TSR1: variants seen among roughly 807,000 people sequenced by gnomAD.
The protein encoded by TSR1 is pre-rRNA-processing protein TSR1 homolog.
Under a neutral mutation model 90.9 loss-of-function variants are expected in TSR1, and 81 were observed. The ratio of observed to expected loss-of-function variants is 0.89; its 90% confidence interval spans 0.74 to 1.07. The LOEUF is 1.07. TSR1 is among the 50% of genes least tolerant of loss of function. The probability of loss-of-function intolerance (pLI) is 0.00; values close to 1 mark genes in which losing one functional copy is unlikely to be tolerated. For synonymous variants in TSR1, 362 were observed against 348.8 expected (o/e 1.04, Z -0.42); for missense variants, 989 against 987.3 (o/e 1.00, Z -0.02).
chr17:2,329,080 C>T (rs1333243741), intron 11 of TSR1: 1 of 688,480 alleles, frequency 1.5e-6, no homozygotes, highest in Non-Finnish European at 2.7e-6. Flanking sequence ...TATAAAGCTG[C>T]CAACTTCTAT....
chr17:2,325,813 A>G (rs2075573298), intron 11 of TSR1, among the ~76,000 whole-genome samples: 1 of 152,000 alleles, frequency 6.6e-6, no homozygotes, highest in Non-Finnish European at 1.5e-5. Flanking sequence ...GGGTTTCACC[A>G]TGTTGGCCAG....
intron 11 of TSR1, chr17:2,329,041 C>A: frequency 1.8e-6 from 1 of 560,282 alleles, no homozygotes; most frequent in South Asian, 1.6e-5. Context: ...TGAACCACTG[C>A]ACCACTGCAC....
At chr17:2,326,521 ACAT>A (rs1432066421) in intron 11 of TSR1, among the ~76,000 whole-genome samples, 1 of 152,114 alleles carries the variant, frequency 6.6e-6, no homozygotes, top group Non-Finnish European at 1.5e-5. Context: ...GGCACACTAG[ACAT>A]CAAAGTTTCC....
intron 6 of TSR1, 67 bp from the exon 7 acceptor site, chr17:2,333,191 C>A: frequency 6.4e-7 from 1 of 1,565,738 alleles, no homozygotes; most frequent in Non-Finnish European, 8.7e-7. Flanking sequence ...GTTATTCTCA[C>A]CTAGGCAAGG....
At chr17:2,324,630 TA>T in intron 13 of TSR1, 52 bp from the exon 14 acceptor site, 1 of 1,613,990 alleles carries the variant, frequency 6.2e-7, no homozygotes, top group Non-Finnish European at 8.5e-7. Context: ...CCACAAAATG[TA>T]AACCCAACCT....
Position 2,334,776 on chromosome 17 carries a change from T to G in TSR1, c.677A>C (p.Gln226Pro). ...PHDKLLLLDTQQEAGMLLRQL... is the reference protein window; with the variant it reads ...PHDKLLLLDTPQEAGMLLRQL... ...CCTAAGCAGCATCCCTGCCTCCTGTTGAGTGTCTAACAAGAGGAGTTTGTC... is the reference window on the plus strand; with the variant it reads ...CCTAAGCAGCATCCCTGCCTCCTGTGGAGTGTCTAACAAGAGGAGTTTGTC... The change falls in exon 5 of 15, where the codon CAA (glutamine) becomes CCA (proline). Residue 226 changes from glutamine (Q) to proline (P), a missense_variant. By Grantham distance (76) the Gln-to-Pro change is moderately conservative. Transcript: ENST00000301364. 2 of 1,614,252 alleles carry G rather than the reference T, an allele frequency of 1.2e-6. No homozygotes were observed. The highest frequency in any genetic ancestry group is 1.7e-6 in the Non-Finnish European group (2 of 1,180,054).
chr17:2,329,691 C>T (rs1224711081), intron 10 of TSR1, among the ~76,000 whole-genome samples: 1 of 152,106 alleles, frequency 6.6e-6, no homozygotes, highest in African/African-American at 2.4e-5. Flanking sequence ...AGCTTTCATG[C>T]ACCCTTCAAT....
chr17:2,333,413 A>G, intron 6 of TSR1, 144 bp downstream of exon 6: 1 of 1,028,572 alleles, frequency 9.7e-7, no homozygotes, highest in Non-Finnish European at 1.5e-6. Flanking sequence ...TTGTTTATTG[A>G]AAACATACAG....
At chr17:2,327,554 A>T (rs576978690) in intron 11 of TSR1, among the ~76,000 whole-genome samples, 4 of 152,320 alleles carry the variant, frequency 2.6e-5, no homozygotes, top group Admixed American at 2.6e-4. Flanking sequence ...ATAAGCAAAG[A>T]AGTAAATAAA....
Position 2,323,040 on chromosome 17 carries a change from C to T in TSR1, c.*1156G>A. 7.7e-7 allele frequency: 1 copy of T among 1,298,686 alleles called. No homozygotes were observed. The highest frequency in any genetic ancestry group is 1.1e-6 in the Non-Finnish European group (1 of 912,556). The allele number at this position is 1,298,686 out of a possible 1,614,324, so 80.4% of individuals were successfully genotyped here. A position where few individuals can be genotyped will look rare whatever the true frequency, so the allele number is the denominator to read the frequency against. On this transcript the variant is annotated 3_prime_UTR_variant, in exon 15 of 15. Transcript: ENST00000301364. ...TCGGGCTCCCAAAGTGTTGGGATTA[C>T]AGGTGTGAGCCACCACACCAGGCCC... is the stretch of plus-strand genomic sequence containing the variant.
chr17:2,330,020 A>C (rs1193718501), intron 10 of TSR1, among the ~76,000 whole-genome samples: 1 of 152,098 alleles, frequency 6.6e-6, no homozygotes, highest in Non-Finnish European at 1.5e-5. Context: ...ACTGGGTTCA[A>C]GCAATTCTTC....
At chr17:2,335,879 C>A in intron 2 of TSR1, 149 bp from the exon 3 acceptor site, 2 of 1,260,304 alleles carry the variant, frequency 1.6e-6, no homozygotes, top group South Asian at 2.8e-5. Flanking sequence ...GGCAGGAATT[C>A]TGACCAAAGC....
intron 11 of TSR1, among the ~76,000 whole-genome samples, chr17:2,328,645 G>A (rs1219441417): frequency 2.7e-5 from 4 of 148,252 alleles, no homozygotes; most frequent in Admixed American, 1.3e-4. Context: ...GAGGGGGCGC[G>A]GTGGCTCACA....
At chr17:2,331,519 C>T (rs999047995) in intron 8 of TSR1, among the ~76,000 whole-genome samples, 2 of 131,492 alleles carry the variant, frequency 1.5e-5, no homozygotes, top group African/African-American at 5.9e-5. Flanking sequence ...GTGTGTAGCA[C>T]CTCCTGCCTT....
At position 2,323,752 on chromosome 17, in the gene TSR1, T is replaced by G; in HGVS notation, c.*444A>C. On this transcript the variant is annotated 3_prime_UTR_variant, in exon 15 of 15. Transcript: ENST00000301364. The stretch of plus-strand genomic sequence containing the variant: ...GTGCTGTCTCAACATTTTCAAACTG[T>G]TTCCCCAGAAGTAAAGAACATTTGT... 1 of 1,614,162 alleles carries G rather than the reference T, an allele frequency of 6.2e-7. No homozygotes were observed. The highest frequency in any genetic ancestry group is 2.2e-5 in the East Asian group (1 of 44,888).
chr17:2,334,845 G>T lies in TSR1; in HGVS notation c.608C>A (p.Thr203Asn). The change falls in exon 5 of 15, where the codon ACC (threonine) becomes AAC (asparagine). Residue 203 changes from threonine to asparagine, a missense_variant. Transcript: ENST00000301364. ...SGLPLKKQID[T>N]RKKLSKAVEK... ...CACTGCTTTACTTAGCTTCTTCCTG[G>T]TATCTATTTGTTTCTTCAGTGGGAG... The T allele has an allele frequency of 6.2e-7, 1 of 1,613,964 alleles. No homozygotes were observed. Among genetic ancestry groups the T allele is most frequent in the Non-Finnish European group, 8.5e-7 (1 of 1,180,002 alleles).
chr17:2,323,337 G>A lies in TSR1; in HGVS notation c.*859C>T. The A allele has an allele frequency of 6.2e-7, 1 of 1,613,968 alleles. No homozygotes were observed. Among genetic ancestry groups the A allele is most frequent in the South Asian group, 1.1e-5 (1 of 91,062 alleles). On this transcript the variant is annotated 3_prime_UTR_variant, in exon 15 of 15. Transcript: ENST00000301364. ...TGATATCTTCACTGTCACAGAGGATGAAATTAAGGTGAGGCTCCAGCAAGA... is the reference window on the plus strand; with the variant it reads ...TGATATCTTCACTGTCACAGAGGATAAAATTAAGGTGAGGCTCCAGCAAGA...
rs1458599868 is a variant in TSR1, at chr17:2,336,214, C to A, written c.98-74G>T. On this transcript the variant is annotated intron_variant, in intron 1 of 14. Transcript: ENST00000301364. ...AGAAAAGGGACTCCTCTCCGCCCAC[C>A]TTAGAAAGGGCCTTTCGCGTGGAGC... is the stretch of plus-strand genomic sequence containing the variant. The A allele has an allele frequency of 1.9e-6, 3 of 1,601,194 alleles. No individual in the cohort carries two copies. In the East Asian group the frequency reaches 6.7e-5, roughly 36 times the overall value.
In TSR1 at chr17:2,334,711, C is replaced by T; in HGVS notation, c.742G>A (p.Asp248Asn). The T allele has an allele frequency of 1.2e-6, 2 of 1,613,908 alleles. No individual in the cohort carries two copies. The highest frequency in any genetic ancestry group is 1.7e-6 in the Non-Finnish European group (2 of 1,180,042). The change falls in exon 5 of 15, where the codon GAT (aspartate) becomes AAT (asparagine). Residue 248 changes from aspartate (D) to asparagine (N), a missense_variant. Transcript: ENST00000301364. Reference sequence around the variant, plus strand: ...TGGGCAAATAGGTAGGCCCGCCGATCTCGAAAAGCAAGATGCTGTTGCTTC... The same window carrying T: ...TGGGCAAATAGGTAGGCCCGCCGATTTCGAAAAGCAAGATGCTGTTGCTTC... ...NQKQQHLAFRDRRAYLFAHAV... is the reference protein window; with the variant it reads ...NQKQQHLAFRNRRAYLFAHAV...
Sources: allele counts gnomAD v4.1 joint callset (sites outside exome capture counted in the v4.1 genomes callset), GRCh38; gene constraint gnomAD v4.1.1; transcripts MANE v1.5; gene names NCBI Gene and HGNC (gene_info 2026-07-23, HGNC 2026-07-21).